Variants in NUP85 observed in about 807,000 individuals in gnomAD.
NUP85 encodes nucleoporin 85, also known as nuclear pore complex protein Nup85.
Under a neutral mutation model 92.8 loss-of-function variants are expected in NUP85, and 23 were observed. The observed-to-expected ratio is 0.25, with a 90% CI of 0.18 to 0.35. The LOEUF is 0.35. Ranked by LOEUF, NUP85 falls within the 10% of genes least tolerant of loss-of-function variation. NUP85 has a pLI of 1.00. For missense variants in NUP85, 759 were observed against 822.8 expected (o/e 0.92, Z 0.95); for synonymous variants, 314 against 306.9 (o/e 1.02, Z -0.24).
intron 1 of NUP85, among the ~76,000 whole-genome samples, chr17:75,207,955 A>G (rs1384694255): frequency 6.6e-6 from 1 of 152,006 alleles, no homozygotes; most frequent in African/African-American, 2.4e-5. Flanking sequence ...GCGTCACTGC[A>G]GTCCAGCCTG....
chr17:75,213,873 T>G (rs1223166531), intron 5 of NUP85, among the ~76,000 whole-genome samples: 24 of 147,652 alleles, frequency 1.6e-4, no homozygotes, highest in Admixed American at 4.1e-4. Flanking sequence ...TTTTTTTTTT[T>G]TTTTTTTTTT....
chr17:75,234,765 T>G lies in NUP85; in HGVS notation c.1744T>G (p.Leu582Val). ...CTGGATGACTCTGCTGACAGACGCCTTGCCCCTTTTGGAACAGAAACAGGT... is the reference window on the plus strand; with the variant it reads ...CTGGATGACTCTGCTGACAGACGCCGTGCCCCTTTTGGAACAGAAACAGGT... The part of the protein sequence containing the change: ...SFWMTLLTDA[L>V]PLLEQKQVIF... Residue 582 changes from leucine (L) to valine (V), a missense_variant, in exon 17 of 19, where the codon TTG becomes GTG. By Grantham distance (32) the Leu-to-Val change is conservative. Coordinates refer to ENST00000245544, the MANE Select transcript of NUP85 (RefSeq NM_024844.5). The G allele has an allele frequency of 6.2e-7, 1 of 1,614,180 alleles. No individual in the cohort carries two copies. The highest frequency in any genetic ancestry group is 8.5e-7 in the Non-Finnish European group (1 of 1,180,034).
At chr17:75,232,743 G>A in intron 14 of NUP85, 108 bp from the exon 15 acceptor site, 4 of 903,642 alleles carry the variant, frequency 4.4e-6, no homozygotes, top group Non-Finnish European at 7.4e-6. Flanking sequence ...CCCAAAGAGT[G>A]GCTCTGCGGT....
At position 75,220,070 on chromosome 17, in the gene NUP85, G is replaced by A. The variant is rs553112511; in HGVS notation, c.597+1764G>A. Among the ~76,000 whole-genome samples the A allele has an allele frequency of 2.4e-4, 36 of 152,226 alleles. No individual in the cohort carries two copies. The South Asian group carries it at 6.6e-3, about 28-fold the overall frequency. The stretch of plus-strand genomic sequence containing the variant: ...CAGGGTGACTAACAACATGGTCTGT[G>A]GTGCCACACTGCCTGGGTTAGCATT... On this transcript the variant is annotated intron_variant, in intron 7 of 18. Coordinates refer to ENST00000245544, the MANE Select transcript of NUP85 (RefSeq NM_024844.5).
In NUP85 at chr17:75,205,698, G is replaced by A. The variant is rs1568061089; in HGVS notation, c.-64G>A. Reference sequence around the variant, plus strand: ...AGTCTTGTCTCGCAGCCAGCTCTGAGCGGGAGGCCTGAGCGGGAAGCATTG... The same window carrying A: ...AGTCTTGTCTCGCAGCCAGCTCTGAACGGGAGGCCTGAGCGGGAAGCATTG... On this transcript the variant is annotated 5_prime_UTR_variant, in exon 1 of 19. Coordinates refer to ENST00000245544, the MANE Select transcript of NUP85 (RefSeq NM_024844.5). 2.5e-6 allele frequency: 4 copies of A among 1,600,330 alleles called. No homozygotes were observed. The African/African-American group carries it at 4.0e-5, about 16-fold the overall frequency.
chr17:75,207,713 C>T (rs905329533), intron 1 of NUP85, among the ~76,000 whole-genome samples: 14 of 150,598 alleles, frequency 9.3e-5, no homozygotes, highest in African/African-American at 2.4e-5. Flanking sequence ...AGCCTGACCT[C>T]GTGATCAGCC....
chr17:75,209,993 GGTTGCTGTTT>G lies in NUP85; in HGVS notation c.290+10_290+19del. The G allele has an allele frequency of 6.3e-7, 1 of 1,590,900 alleles. No homozygotes were observed. Among genetic ancestry groups the G allele is most frequent in the Non-Finnish European group, 8.5e-7 (1 of 1,174,658 alleles). Reference sequence around the variant, plus strand: ...AAAATCCAGAAAATCTCAGTAAGTTGGTTGCTGTTTGGTGTTGAAGCCCACACTACACTGT... The same window carrying G: ...AAAATCCAGAAAATCTCAGTAAGTTGGGTGTTGAAGCCCACACTACACTGT... On this transcript the variant is annotated intron_variant, in intron 3 of 18. Coordinates refer to ENST00000245544, the MANE Select transcript of NUP85 (RefSeq NM_024844.5).
In NUP85 at chr17:75,231,320, C is replaced by T; in HGVS notation, c.1095-20C>T. Reference sequence around the variant, plus strand: ...CCTGTGCCCTGATTTTCCTTCTTGCCTTGGTGTCTGAATCTGCAGCATCGC... The same window carrying T: ...CCTGTGCCCTGATTTTCCTTCTTGCTTTGGTGTCTGAATCTGCAGCATCGC... On this transcript the variant is annotated intron_variant, in intron 11 of 18. Coordinates refer to ENST00000245544, the MANE Select transcript of NUP85 (RefSeq NM_024844.5). This position sits in a 1 kb window ranked among gnomAD's most constrained non-coding sequence, Gnocchi z 4.6. 1.2e-6 allele frequency: 2 copies of T among 1,613,926 alleles called. No individual in the cohort carries two copies. The highest frequency in any genetic ancestry group is 1.7e-6 in the Non-Finnish European group (2 of 1,179,812).
At chr17:75,206,016 G>A (rs527819417) in intron 1 of NUP85, among the ~76,000 whole-genome samples, 2 of 152,150 alleles carry the variant, frequency 1.3e-5, no homozygotes, top group South Asian at 4.1e-4. Context: ...CGGCCTCGAA[G>A]GTCCCACTCC....
At chr17:75,229,358 G>C (rs1346911103) in intron 11 of NUP85, among the ~76,000 whole-genome samples, 1 of 152,164 alleles carries the variant, frequency 6.6e-6, no homozygotes, top group Non-Finnish European at 1.5e-5. Context: ...AGTTGACAGT[G>C]ACCTTAGTAC....
chr17:75,210,109 T>C (rs892664307), intron 3 of NUP85, 124 bp downstream of exon 3: 1 of 915,526 alleles, frequency 1.1e-6, no homozygotes, highest in Non-Finnish European at 1.7e-6. Flanking sequence ...CTGGTTCTAG[T>C]TGAGGCATGA....
intron 14 of NUP85, 96 bp from the exon 15 acceptor site, chr17:75,232,755 G>A: frequency 9.8e-7 from 1 of 1,025,506 alleles, no homozygotes; most frequent in Non-Finnish European, 1.5e-6. Flanking sequence ...CTCTGCGGTG[G>A]AGTGAGGCTG....
chr17:75,225,893 T>C (rs1236795063), intron 10 of NUP85, 64 bp downstream of exon 10: 2 of 1,605,628 alleles, frequency 1.2e-6, no homozygotes, highest in Non-Finnish European at 1.7e-6. Context: ...GATGGGTCAT[T>C]CTCTTTGAAT....
chr17:75,229,810 T>C (rs1015201753), intron 11 of NUP85, among the ~76,000 whole-genome samples: 1 of 152,152 alleles, frequency 6.6e-6, no homozygotes, highest in Non-Finnish European at 1.5e-5. Flanking sequence ...TTCCAGTTGT[T>C]GGTGGCTTTC....
chr17:75,232,759 G>T, intron 14 of NUP85, 92 bp from the exon 15 acceptor site: 1 of 1,082,826 alleles, frequency 9.2e-7, no homozygotes. Flanking sequence ...GCGGTGGAGT[G>T]AGGCTGTGAG....
At chr17:75,232,823 C>T (rs745410080) in intron 14 of NUP85, 28 bp from the exon 15 acceptor site, 24 of 1,596,336 alleles carry the variant, frequency 1.5e-5, no homozygotes, top group African/African-American at 4.0e-5. Context: ...GAGTGAAAGC[C>T]GTTTACCTTT....
intron 11 of NUP85, among the ~76,000 whole-genome samples, chr17:75,227,720 C>T (rs1031401895): frequency 2.6e-5 from 4 of 152,088 alleles, no homozygotes; most frequent in African/African-American, 4.8e-5. Context: ...TCACTGCAGC[C>T]TTGACCTCCT....
Position 75,205,698 on chromosome 17 carries a change from G to C in NUP85, c.-64G>C. On this transcript the variant is annotated 5_prime_UTR_variant, in exon 1 of 19. Transcript: ENST00000245544. ...AGTCTTGTCTCGCAGCCAGCTCTGA[G>C]CGGGAGGCCTGAGCGGGAAGCATTG... 1 of 1,600,448 alleles carries C rather than the reference G, an allele frequency of 6.2e-7. No individual in the cohort carries two copies. The highest frequency in any genetic ancestry group is 8.6e-7 in the Non-Finnish European group (1 of 1,167,732).
At chr17:75,208,666 T>G in intron 2 of NUP85, 46 bp downstream of exon 2, 1 of 1,046,922 alleles carries the variant, frequency 9.6e-7, no homozygotes, top group East Asian at 2.4e-5. Context: ...CACATTTGGT[T>G]GTTTTTCTGT....
Sources: gnomAD v4.1 joint callset for allele counts (sites outside exome capture counted in the v4.1 genomes callset) on GRCh38, gnomAD v4.1.1 for gene constraint, Gnocchi (gnomAD v3.1) non-coding constraint, MANE v1.5 for transcripts, NCBI Gene and HGNC (gene_info 2026-07-23, HGNC 2026-07-21) for gene names.